The following CHRNA7 variants were observed in gnomAD, a reference collection of about 807,000 sequenced individuals.
CHRNA7 encodes neuronal acetylcholine receptor subunit alpha-7.
CHRNA7 carries 17 observed loss-of-function variants against 48.0 expected under a neutral mutation model. The observed-to-expected ratio is 0.35, with a 90% CI of 0.24 to 0.53. CHRNA7 has a LOEUF of 0.53. Among genes scored for constraint, CHRNA7 ranks in the 20% least tolerant of loss-of-function variants. CHRNA7 has a pLI of 0.92. For synonymous variants in CHRNA7, 75 were observed against 242.3 expected (o/e 0.31, Z 6.41); for missense variants, 155 against 577.7 (o/e 0.27, Z 7.50).
At chr15:32,122,887 C>CAAAA (rs61151556) in intron 4 of CHRNA7, among the ~76,000 whole-genome samples, 12,642 of 107,460 alleles carry the variant, frequency 0.12, 554 homozygotes, top group Non-Finnish European at 0.13. Flanking sequence ...GCTCTCAAAG[C>CAAAA]AAAAAAAAAA....
chr15:32,122,281 A>G (rs187201037), intron 4 of CHRNA7, among the ~76,000 whole-genome samples: 1 of 152,180 alleles, frequency 6.6e-6, no homozygotes, highest in Non-Finnish European at 1.5e-5. Flanking sequence ...CAAGAGAGCC[A>G]TCTTCTAGCA....
intron 2 of CHRNA7, among the ~76,000 whole-genome samples, chr15:32,086,290 A>G (rs981000864): frequency 5.5e-5 from 8 of 144,868 alleles, no homozygotes; most frequent in African/African-American, 2.1e-4. Flanking sequence ...AATGGCGTGA[A>G]CCCTGGAGGC....
intron 2 of CHRNA7, among the ~76,000 whole-genome samples, chr15:32,071,322 A>T (rs1217338090): frequency 6.6e-6 from 1 of 152,158 alleles, no homozygotes; most frequent in Non-Finnish European, 1.5e-5. Context: ...TATTACAGGG[A>T]TTTTGATATG....
At chr15:32,031,077 C>T (rs760440514) in intron 2 of CHRNA7, 40 bp downstream of exon 2, 32 of 1,611,034 alleles carry the variant, frequency 2.0e-5, no homozygotes, top group Non-Finnish European at 2.5e-5. Context: ...TCTCCCCTTC[C>T]TGGGCTCCGA....
intron 2 of CHRNA7, chr15:32,100,254 T>G (rs147398794): frequency 6.6e-6 from 1 of 152,230 alleles, no homozygotes; most frequent in East Asian, 1.9e-4. Context: ...TTGCGGGAGC[T>G]TGAGGTTTCA....
chr15:32,059,967 A>AAAAAAAG (rs2049852305), intron 2 of CHRNA7, among the ~76,000 whole-genome samples: 1 of 150,496 alleles, frequency 6.6e-6, no homozygotes, highest in African/African-American at 2.4e-5. Flanking sequence ...AAAAAAAAAA[A>AAAAAAAG]AAAAAAAGTG....
chr15:32,106,730 T>C (rs1019164830), intron 3 of CHRNA7, among the ~76,000 whole-genome samples: 1 of 152,212 alleles, frequency 6.6e-6, no homozygotes, highest in Non-Finnish European at 1.5e-5. Flanking sequence ...CTTCTGTCAT[T>C]TTGCAATTGT....
chr15:32,138,134 C>A (rs2051305939), intron 4 of CHRNA7, among the ~76,000 whole-genome samples: 1 of 151,904 alleles, frequency 6.6e-6, no homozygotes, highest in African/African-American at 2.4e-5. Context: ...CAACGAAGGA[C>A]AAATTGGTTT....
intron 4 of CHRNA7, among the ~76,000 whole-genome samples, chr15:32,142,178 CAT>C (rs1205901308): frequency 2.0e-5 from 3 of 152,142 alleles, no homozygotes; most frequent in Admixed American, 6.5e-5. Flanking sequence ...TTGAGATAAT[CAT>C]GTGGTTTTTG....
chr15:32,074,666 A>ATTATTATTATTATTATTTTTT (rs991862925), intron 2 of CHRNA7, among the ~76,000 whole-genome samples: 6 of 107,298 alleles, frequency 5.6e-5, no homozygotes, highest in African/African-American at 1.9e-4. Flanking sequence ...TATTATTATT[A>ATTATTATTATTATTATTTTTT]TTTTTGAGAC....
intron 3 of CHRNA7, among the ~76,000 whole-genome samples, chr15:32,109,111 G>A (rs2050721229): frequency 6.6e-6 from 1 of 152,200 alleles, no homozygotes; most frequent in African/African-American, 2.4e-5. Flanking sequence ...ATAAAAGAAT[G>A]GCTACTCCAT....
At chr15:32,082,968 C>T (rs2050239218) in intron 2 of CHRNA7, among the ~76,000 whole-genome samples, 1 of 152,104 alleles carries the variant, frequency 6.6e-6, no homozygotes, top group Admixed American at 6.5e-5. Context: ...AACACTGTCT[C>T]CTACTAAAAA....
intron 4 of CHRNA7, among the ~76,000 whole-genome samples, chr15:32,144,014 C>A (rs1190071297): frequency 6.6e-6 from 1 of 152,182 alleles, no homozygotes; most frequent in Non-Finnish European, 1.5e-5. Context: ...TTCATAGCAT[C>A]GATGGTCTTT....
chr15:32,042,177 C>T (rs1038659723), intron 2 of CHRNA7, among the ~76,000 whole-genome samples: 1 of 151,986 alleles, frequency 6.6e-6, no homozygotes, highest in Admixed American at 6.6e-5. Flanking sequence ...TTCTATACTC[C>T]TATGATTAGG....
chr15:32,123,068 T>C (rs2051001720), intron 4 of CHRNA7, among the ~76,000 whole-genome samples: 1 of 152,198 alleles, frequency 6.6e-6, no homozygotes, highest in Non-Finnish European at 1.5e-5. Flanking sequence ...CAGAATTGTA[T>C]TCCAGCAAAA....
chr15:32,133,937 A>G (rs528815763), intron 4 of CHRNA7, among the ~76,000 whole-genome samples: 13 of 152,326 alleles, frequency 8.5e-5, no homozygotes, highest in African/African-American at 3.1e-4. Flanking sequence ...AGCAAGGTTC[A>G]TGTGCCATGA....
At chr15:32,136,007 A>T (rs1456821118) in intron 4 of CHRNA7, among the ~76,000 whole-genome samples, 2 of 152,198 alleles carry the variant, frequency 1.3e-5, no homozygotes, top group Non-Finnish European at 2.9e-5. Context: ...GGGCAAAATC[A>T]AGACATTCTC....
In CHRNA7 at chr15:32,109,616, G is replaced by C. The variant is rs148671187; in HGVS notation, c.241-2174G>C. Among the ~76,000 whole-genome samples, 512 of 152,328 alleles carry C rather than the reference G, an allele frequency of 3.4e-3. 7 individuals are homozygous for C. The highest frequency in any genetic ancestry group is 0.011 in the African/African-American group (478 of 41,568). ...GATTGAGCCAGAAGAACCAGCTCTG[G>C]TAGAACCCAAAGATCAGTTTGCTTA... On this transcript the variant is annotated intron_variant, in intron 3 of 9. Coordinates refer to ENST00000306901, the MANE Select transcript of CHRNA7 (RefSeq NM_000746.6).
chr15:32,103,258 A>G (rs1173531627), intron 3 of CHRNA7: 1 of 151,974 alleles, frequency 6.6e-6, no homozygotes, highest in Non-Finnish European at 1.5e-5. Flanking sequence ...AAAAATACAA[A>G]ACTTAGCTGG....
Sources: gnomAD v4.1 joint callset for allele counts (sites outside exome capture counted in the v4.1 genomes callset) on GRCh38, gnomAD v4.1.1 for gene constraint, MANE v1.5 for transcripts, NCBI Gene and HGNC (gene_info 2026-07-23, HGNC 2026-07-21) for gene names.